P2RX3: variants seen among roughly 807,000 people sequenced by gnomAD.
P2RX3 encodes the protein purinergic receptor P2X 3, also known as P2X purinoceptor 3.
P2RX3 carries 41 observed loss-of-function variants against 51.5 expected under a neutral mutation model. The observed-to-expected ratio is 0.80, with a 90% confidence interval of 0.62 to 1.03. The LOEUF is 1.03. Ranked by LOEUF, P2RX3 falls within the 50% of genes least tolerant of loss-of-function variation. The probability of loss-of-function intolerance (pLI) is 0.00; values close to 1 mark genes in which losing one functional copy is unlikely to be tolerated. For synonymous variants in P2RX3, 185 were observed against 191.6 expected, an observed-to-expected ratio of 0.97 and a Z score of 0.29; for missense variants, 459 against 522.1, an observed-to-expected ratio of 0.88 and a Z score of 1.18.
intron 8 of P2RX3, 66 bp downstream of exon 8, chr11:57,350,964 G>C (rs1856537670): frequency 6.2e-7 from 1 of 1,605,002 alleles, no homozygotes; most frequent in African/African-American, 1.3e-5. Flanking sequence ...ATGTTTATTG[G>C]GGAGACAAGA....
upstream of P2RX3, among the ~76,000 whole-genome samples, chr11:57,337,367 G>GA (rs1204583533): frequency 2.1e-3 from 148 of 69,770 alleles, no homozygotes; most frequent in African/African-American, 7.3e-3. Flanking sequence ...AAAAAAAACA[G>GA]AAAAAAAAAC....
At chr11:57,350,681 A>C in intron 7 of P2RX3, 81 bp from the exon 8 acceptor site, 10 of 1,533,662 alleles carry the variant, frequency 6.5e-6, no homozygotes, top group Non-Finnish European at 3.6e-6. Flanking sequence ...ATTTGTCACC[A>C]CCTCCACCCC....
Position 57,348,646 on chromosome 11 carries a change from G to A in P2RX3, c.505G>A (p.Glu169Lys), listed in dbSNP as rs754040579. Residue 169 changes from glutamate to lysine, a missense_variant, in exon 6 of 12, where the codon GAG becomes AAG. Physicochemically the swap from Glu to Lys is moderately conservative, Grantham distance 56. Transcript: ENST00000263314. ...CCACAGGCCCATCATGATGGAAGCT[G>A]AGAACTTCACTATTTTCATCAAGAA... ...TVETPIMMEAENFTIFIKNSI... is the reference protein window; with the variant it reads ...TVETPIMMEAKNFTIFIKNSI... 3 of 1,613,966 alleles carry A rather than the reference G, an allele frequency of 1.9e-6. No homozygotes were observed. Among genetic ancestry groups the A allele is most frequent in the African/African-American group, 2.7e-5 (2 of 75,060 alleles).
intron 1 of P2RX3, among the ~76,000 whole-genome samples, chr11:57,345,594 C>T (rs1264169484): frequency 2.6e-5 from 4 of 151,926 alleles, no homozygotes; most frequent in African/African-American, 4.8e-5. Context: ...TGAGGCTGAG[C>T]GGGGACTTCA....
At chr11:57,356,516 T>C (rs527394987) in intron 8 of P2RX3, among the ~76,000 whole-genome samples, 5 of 152,216 alleles carry the variant, frequency 3.3e-5, no homozygotes, top group Non-Finnish European at 7.3e-5. Context: ...CGGTAGGTGT[T>C]TCTAGTGATC....
intron 1 of P2RX3, among the ~76,000 whole-genome samples, chr11:57,343,531 C>T (rs1202613335): frequency 1.3e-5 from 2 of 152,228 alleles, no homozygotes; most frequent in Non-Finnish European, 1.5e-5. Context: ...AGCACCCTCT[C>T]TGTGCCTCAG....
intron 9 of P2RX3, 133 bp from the exon 10 acceptor site, chr11:57,368,239 T>G: frequency 7.7e-7 from 1 of 1,301,828 alleles, no homozygotes; most frequent in Non-Finnish European, 1.1e-6. Context: ...CACTCTCCCA[T>G]CAATTCACCT....
intron 10 of P2RX3, 48 bp downstream of exon 10, chr11:57,368,485 C>A: frequency 1.9e-6 from 3 of 1,599,762 alleles, no homozygotes; most frequent in Non-Finnish European, 2.6e-6. Context: ...GAGTGGGGCC[C>A]GGACTGGTAC....
At chr11:57,347,009 C>T (rs1856448505) in intron 2 of P2RX3, 107 bp from the exon 3 acceptor site, 1 of 1,239,392 alleles carries the variant, frequency 8.1e-7, no homozygotes, top group South Asian at 1.3e-5. Flanking sequence ...AGTCACTAGA[C>T]ACAAGCCTTG....
rs1457578656 is a variant in P2RX3 at position 57,371,843 on chromosome 11, G to A, written c.*1846G>A. Among the ~76,000 whole-genome samples the A allele has an allele frequency of 1.3e-5, 2 of 152,174 alleles. No homozygotes were observed. The highest frequency in any genetic ancestry group is 3.9e-4 in the East Asian group (2 of 5,194). ...GCTCTTGGGAGGCTGGGGTCACAGG[G>A]ATTCTCTCTAATGGGGAGATGGAGG... On this transcript the variant is annotated 3_prime_UTR_variant, in exon 12 of 12. Coordinates refer to ENST00000263314, the MANE Select transcript of P2RX3 (RefSeq NM_002559.5).
rs946005378 is a variant in P2RX3 at position 57,370,525 on chromosome 11, C to T, written c.*528C>T. The T allele has an allele frequency of 6.5e-6, 1 of 152,750 alleles. No individual in the cohort carries two copies. Among genetic ancestry groups the T allele is most frequent in the Non-Finnish European group, 1.5e-5 (1 of 68,486 alleles). 9.5% of individuals were successfully genotyped at this position (152,750 alleles called of 1,614,324 possible). On this transcript the variant is annotated 3_prime_UTR_variant, in exon 12 of 12. Transcript: ENST00000263314. ...CCACACCCCATGAGAGAAGAATGAA[C>T]TCCCAGGGTCCATCAGCCCTGCTGC...
intron 2 of P2RX3, 107 bp from the exon 3 acceptor site, chr11:57,347,007 GAC>G: frequency 8.2e-7 from 1 of 1,224,162 alleles, no homozygotes; most frequent in Non-Finnish European, 1.2e-6. Flanking sequence ...CAAGTCACTA[GAC>G]ACAAGCCTTG....
Position 57,368,082 on chromosome 11 carries a change from G to A in P2RX3, c.916G>A (p.Asp306Asn), listed in dbSNP as rs765618364. ...CCTGAAGGCTTTTGGCATCCGCTTC[G>A]ACGTGCTGGTATACGGGAATGTGAG... is the stretch of plus-strand genomic sequence containing the variant. Reference protein sequence around the residue: ...TLLKAFGIRFDVLVYGNAGKF... With the variant: ...TLLKAFGIRFNVLVYGNAGKF... The change falls in exon 9 of 12, where the codon GAC becomes AAC. Residue 306 changes from aspartate to asparagine, a missense_variant. Coordinates refer to ENST00000263314, the MANE Select transcript of P2RX3 (RefSeq NM_002559.5). 7.4e-6 allele frequency: 12 copies of A among 1,614,032 alleles called. No individual in the cohort carries two copies. The highest frequency in any genetic ancestry group is 1.6e-4 in the Middle Eastern group (1 of 6,084).
At chr11:57,363,789 C>A (rs915549747) in intron 8 of P2RX3, among the ~76,000 whole-genome samples, 2 of 152,156 alleles carry the variant, frequency 1.3e-5, no homozygotes, top group African/African-American at 4.8e-5. Context: ...TGGGTTACCC[C>A]CTCTGTCTGC....
intron 8 of P2RX3, among the ~76,000 whole-genome samples, chr11:57,360,811 AAAAG>A (rs1378516144): frequency 6.6e-6 from 1 of 150,690 alleles, no homozygotes; most frequent in African/African-American, 2.4e-5. Context: ...AAAAAAGAAA[AAAAG>A]AAAGAAAAAG....
chr11:57,352,382 C>T (rs891818032), intron 8 of P2RX3, among the ~76,000 whole-genome samples: 6 of 152,104 alleles, frequency 3.9e-5, no homozygotes, highest in African/African-American at 1.4e-4. Context: ...CTGTGCGGCT[C>T]ACTGGCAGAA....
rs958541058 is a variant in P2RX3, at chr11:57,353,265, C to A, written c.842+2367C>A. On this transcript the variant is annotated intron_variant, in intron 8 of 11. Transcript: ENST00000263314. ...TCACCAAGCTACTTATCAGTAGAAACCATACTAGTCACCCTGTGTGCAAAA... is the reference window on the plus strand; with the variant it reads ...TCACCAAGCTACTTATCAGTAGAAAACATACTAGTCACCCTGTGTGCAAAA... 3.3e-5 allele frequency among the ~76,000 whole-genome samples: 5 copies of A among 152,346 alleles called. No individual in the cohort carries two copies. The East Asian group carries it at 7.7e-4, about 23-fold the overall frequency.
chr11:57,348,410 C>T, intron 5 of P2RX3, 147 bp downstream of exon 5: 1 of 816,068 alleles, frequency 1.2e-6, no homozygotes, highest in Non-Finnish European at 1.9e-6. Flanking sequence ...GCCTCAGGCC[C>T]AGGGTATCAT....
Position 57,346,530 on chromosome 11 carries a change from C to G in P2RX3, c.120-14C>G. Reference sequence around the variant, plus strand: ...ACTCCTCTCTTTCTCTTCATTTATGCTCTCCTGCCCCAGGTGGGTTTTCTT... The same window carrying G: ...ACTCCTCTCTTTCTCTTCATTTATGGTCTCCTGCCCCAGGTGGGTTTTCTT... On this transcript the variant is annotated splice_polypyrimidine_tract_variant and intron_variant, in intron 1 of 11. Transcript: ENST00000263314. 1 of 1,613,218 alleles carries G rather than the reference C, an allele frequency of 6.2e-7. No individual in the cohort carries two copies. The highest frequency in any genetic ancestry group is 8.5e-7 in the Non-Finnish European group (1 of 1,179,710).
Sources: allele counts gnomAD v4.1 joint callset (sites outside exome capture counted in the v4.1 genomes callset), GRCh38; gene constraint gnomAD v4.1.1; transcripts MANE v1.5; gene names NCBI Gene and HGNC (gene_info 2026-07-23, HGNC 2026-07-21).